The following PRKD1 variants were observed in gnomAD, a reference collection of about 807,000 sequenced individuals.
PRKD1 encodes the protein protein kinase D1, also known as serine/threonine-protein kinase D1.
In PRKD1, 63 loss-of-function variants were observed where a neutral mutation model predicts 95.9. The ratio of observed to expected loss-of-function variants is 0.66; its 90% CI spans 0.54 to 0.81. The LOEUF (loss-of-function observed/expected upper bound fraction) is 0.81. PRKD1 is among the 30% of genes least tolerant of loss of function. The pLI, the probability that PRKD1 is intolerant of heterozygous loss-of-function variation, is 0.00. For missense variants in PRKD1, 1,048 were observed against 1,165.3 expected, an observed-to-expected ratio of 0.90 and a Z score of 1.47; for synonymous variants, 425 against 423.1, an observed-to-expected ratio of 1.00 and a Z score of -0.05.
chr14:29,747,457 C>T (rs1051749754), intron 1 of PRKD1, among the ~76,000 whole-genome samples: 3 of 152,088 alleles, frequency 2.0e-5, no homozygotes, highest in African/African-American at 7.2e-5. Context: ...GGTATATACT[C>T]AAAAGAACTA....
intron 1 of PRKD1, among the ~76,000 whole-genome samples, chr14:29,870,429 T>C (rs1893062256): frequency 1.3e-5 from 2 of 152,326 alleles, no homozygotes; most frequent in East Asian, 3.9e-4. Flanking sequence ...TTTGCCTTGA[T>C]AAGCATGGTA....
chr14:29,638,369 C>T, intron 6 of PRKD1, 120 bp downstream of exon 6: 4 of 1,000,466 alleles, frequency 4.0e-6, no homozygotes, highest in African/African-American at 1.6e-5. Context: ...CCATAATTTA[C>T]TTTAGACTGT....
At chr14:29,809,407 T>C (rs1217416698) in intron 1 of PRKD1, among the ~76,000 whole-genome samples, 1 of 152,228 alleles carries the variant, frequency 6.6e-6, no homozygotes, top group Admixed American at 6.5e-5. Flanking sequence ...GCTGTGAAAA[T>C]CCTAGATGCT....
intron 1 of PRKD1, among the ~76,000 whole-genome samples, chr14:29,920,015 GGGAAGGAAGGAA>G (rs398043721): frequency 2.8e-3 from 294 of 104,428 alleles, no homozygotes; most frequent in East Asian, 7.8e-3. Context: ...GAAGGAAGGA[GGGAAGGAAGGAA>G]GGAAGGAAGG....
rs1305950280 is a variant in PRKD1 at position 29,700,984 on chromosome 14, G to GCACACACACACACACACACACA, written c.403+24551_403+24552insTGTGTGTGTGTGTGTGTGTGTG. ...TGTGTACGCGTGCGCATGCGCGCGCGCGCGCACACACACACACACACACCC... is the reference window on the plus strand; with the variant it reads ...TGTGTACGCGTGCGCATGCGCGCGCGCACACACACACACACACACACACGCGCACACACACACACACACACCC... On this transcript the variant is annotated intron_variant, in intron 2 of 17. Coordinates refer to ENST00000331968, the MANE Select transcript of PRKD1 (RefSeq NM_002742.3). Among the ~76,000 whole-genome samples, 5 of 52,930 alleles carry GCACACACACACACACACACACA rather than the reference G, an allele frequency of 9.4e-5. No individual in the cohort carries two copies. The African/African-American group carries it at 1.1e-3, about 12-fold the overall frequency. The allele number at this position is 52,930 out of a possible 152,430, so 34.7% of individuals were successfully genotyped here. A position where few individuals can be genotyped will look rare whatever the true frequency, so the allele number is the denominator to read the frequency against.
intron 4 of PRKD1, among the ~76,000 whole-genome samples, chr14:29,648,217 A>C (rs1287339945): frequency 6.6e-6 from 1 of 152,132 alleles, no homozygotes; most frequent in Non-Finnish European, 1.5e-5. Flanking sequence ...TTTCACAAGG[A>C]CAATCAATTC....
At chr14:29,857,023 T>A (rs924241922) in intron 1 of PRKD1, among the ~76,000 whole-genome samples, 2 of 152,158 alleles carry the variant, frequency 1.3e-5, no homozygotes, top group Admixed American at 1.3e-4. Flanking sequence ...CAAACCCAAC[T>A]GCATTTACTA....
chr14:29,881,787 T>C (rs1201280891), intron 1 of PRKD1, among the ~76,000 whole-genome samples: 1 of 152,154 alleles, frequency 6.6e-6, no homozygotes, highest in Non-Finnish European at 1.5e-5. Flanking sequence ...TTTGTCCTTA[T>C]CTAATTGAAC....
At chr14:29,921,122 T>C (rs1895088588) in intron 1 of PRKD1, among the ~76,000 whole-genome samples, 1 of 152,228 alleles carries the variant, frequency 6.6e-6, no homozygotes, top group Admixed American at 6.5e-5. Context: ...GCACTTGTAA[T>C]TGAAAAGGAG....
chr14:29,784,568 T>C lies in PRKD1; in HGVS notation c.265-58894A>G, dbSNP rs570135655. Among the ~76,000 whole-genome samples the C allele has an allele frequency of 3.3e-5, 5 of 152,316 alleles. No homozygotes were observed. The East Asian group carries it at 9.6e-4, about 29-fold the overall frequency. On this transcript the variant is annotated intron_variant, in intron 1 of 17. Coordinates refer to ENST00000331968, the MANE Select transcript of PRKD1 (RefSeq NM_002742.3). ...TTGTTTCTGTCCTTTTCAATTACTT[T>C]CAAAAGGGTTTTGTAATTTTCATTG...
At chr14:29,602,619 G>A (rs1227187684) in intron 13 of PRKD1, among the ~76,000 whole-genome samples, 2 of 151,792 alleles carry the variant, frequency 1.3e-5, no homozygotes, top group Non-Finnish European at 2.9e-5. Flanking sequence ...TGTAGAGATG[G>A]GGTTTCTCCA....
chr14:29,623,959 A>G (rs554256182), intron 13 of PRKD1, among the ~76,000 whole-genome samples, 193 bp downstream of exon 13: 1 of 152,352 alleles, frequency 6.6e-6, no homozygotes, highest in Non-Finnish European at 1.5e-5. Context: ...ATACATAAAA[A>G]AGAACAACTG....
chr14:29,702,965 T>G (rs1884912384), intron 2 of PRKD1, among the ~76,000 whole-genome samples: 2 of 152,170 alleles, frequency 1.3e-5, no homozygotes, highest in South Asian at 4.1e-4. Flanking sequence ...ATTTTGTTTG[T>G]CCTTTCTATT....
intron 13 of PRKD1, among the ~76,000 whole-genome samples, chr14:29,612,857 G>C (rs935426380): frequency 6.6e-6 from 1 of 152,178 alleles, no homozygotes; most frequent in African/African-American, 2.4e-5. Context: ...CCAGCACTTT[G>C]GGAGGCCTAG....
intron 2 of PRKD1, among the ~76,000 whole-genome samples, chr14:29,715,324 G>C (rs1885551806): frequency 1.3e-5 from 2 of 151,696 alleles, no homozygotes; most frequent in South Asian, 4.2e-4. Context: ...ACTTTTTTCA[G>C]ATAGTGAAAA....
chr14:29,858,882 T>C (rs1433804975), intron 1 of PRKD1, among the ~76,000 whole-genome samples: 1 of 152,160 alleles, frequency 6.6e-6, no homozygotes, highest in South Asian at 2.1e-4. Flanking sequence ...TATAACCTAT[T>C]GCACCTATAA....
chr14:29,778,791 G>C (rs1888895841), intron 1 of PRKD1, among the ~76,000 whole-genome samples: 1 of 152,100 alleles, frequency 6.6e-6, no homozygotes, highest in African/African-American at 2.4e-5. Flanking sequence ...CATTTTATGA[G>C]GCCAGCATCA....
intron 1 of PRKD1, among the ~76,000 whole-genome samples, chr14:29,864,042 TA>T (rs1232569437): frequency 6.6e-6 from 1 of 152,112 alleles, no homozygotes; most frequent in Non-Finnish European, 1.5e-5. Context: ...AATTCAGATG[TA>T]AGGTATCAGT....
intron 1 of PRKD1, among the ~76,000 whole-genome samples, chr14:29,927,033 G>C (rs1227205643): frequency 6.6e-6 from 1 of 152,060 alleles, no homozygotes; most frequent in Non-Finnish European, 1.5e-5. Flanking sequence ...TCGGTGAATA[G>C]AGGAAGATGG....
Sources: allele counts gnomAD v4.1 joint callset (sites outside exome capture counted in the v4.1 genomes callset), GRCh38; gene constraint gnomAD v4.1.1; transcripts MANE v1.5; gene names NCBI Gene and HGNC (gene_info 2026-07-23, HGNC 2026-07-21).